EML4: variants seen among roughly 807,000 people sequenced by gnomAD.
EML4 encodes the protein EMAP like 4.
Under a neutral mutation model 129.0 loss-of-function variants are expected in EML4, and 72 were observed. The ratio of observed to expected loss-of-function variants is 0.56; its 90% CI spans 0.46 to 0.68. EML4 has a LOEUF of 0.68. Ranked by LOEUF, EML4 falls within the 30% of genes least tolerant of loss-of-function variation. The probability of loss-of-function intolerance (pLI) is 0.00; values close to 1 mark genes in which losing one functional copy is unlikely to be tolerated. For missense variants in EML4, 1,363 were observed against 1,190.6 expected (o/e 1.14, Z -2.13); for synonymous variants, 532 against 405.0 (o/e 1.31, Z -3.77).
chr2:42,237,910 T>A (rs1244970597), intron 1 of EML4, among the ~76,000 whole-genome samples: 1 of 152,128 alleles, frequency 6.6e-6, no homozygotes. Context: ...TATGAATAAG[T>A]TTTAAAAAGT....
intron 1 of EML4, among the ~76,000 whole-genome samples, chr2:42,227,473 CT>C (rs201223334): frequency 0.24 from 32,507 of 133,018 alleles, 4,893 homozygotes; most frequent in African/African-American, 0.47. Flanking sequence ...CCTGTTAAGG[CT>C]TTTTTTTTTT....
At chr2:42,226,732 A>C (rs1558519085) in intron 1 of EML4, among the ~76,000 whole-genome samples, 1 of 152,116 alleles carries the variant, frequency 6.6e-6, no homozygotes, top group Non-Finnish European at 1.5e-5. Flanking sequence ...AGATTTTTAA[A>C]TGTTCTTTCT....
rs747969806 is a variant in EML4 at position 42,295,279 on chromosome 2, A to C, written c.1353+20A>C. 1.9e-6 allele frequency: 3 copies of C among 1,611,912 alleles called. No individual in the cohort carries two copies. The South Asian group carries it at 3.3e-5, about 18-fold the overall frequency. On this transcript the variant is annotated intron_variant, in intron 12 of 22. Coordinates refer to ENST00000318522, the MANE Select transcript of EML4 (RefSeq NM_019063.5). ...TTTGGGGTAAGAATCAGATTGTTTT[A>C]ATGTCATTAGGTGTATAAGACTTTA... is the stretch of plus-strand genomic sequence containing the variant.
chr2:42,311,000 G>T (rs1165304107), intron 17 of EML4, among the ~76,000 whole-genome samples: 1 of 152,154 alleles, frequency 6.6e-6, no homozygotes, highest in Admixed American at 6.5e-5. Flanking sequence ...AAAAGTAGAA[G>T]AATTAGTGTC....
At chr2:42,200,789 T>G (rs1572530869) in intron 1 of EML4, among the ~76,000 whole-genome samples, 1 of 152,358 alleles carries the variant, frequency 6.6e-6, no homozygotes, top group East Asian at 1.9e-4. Flanking sequence ...GCATGCCTTC[T>G]ATTGAATCTT....
At chr2:42,177,353 G>A (rs1277010307) in intron 1 of EML4, among the ~76,000 whole-genome samples, 3 of 151,788 alleles carry the variant, frequency 2.0e-5, no homozygotes, top group African/African-American at 7.3e-5. Flanking sequence ...ATTAAATATG[G>A]CTCACGCCTG....
At chr2:42,225,220 G>A (rs897711998) in intron 1 of EML4, among the ~76,000 whole-genome samples, 11 of 152,006 alleles carry the variant, frequency 7.2e-5, no homozygotes, top group African/African-American at 2.2e-4. Context: ...ATGAACATTG[G>A]TGTATAAAAG....
In EML4 at chr2:42,329,718, GATTT is replaced by G; in HGVS notation, c.2473-11_2473-8del. On this transcript the variant is annotated splice_polypyrimidine_tract_variant and intron_variant, in intron 22 of 22. Coordinates refer to ENST00000318522, the MANE Select transcript of EML4 (RefSeq NM_019063.5). ...ATGAGTTTAATTTTCCTGTCTGTCT[GATTT>G]ATTTCATATAGGCTCCCAGTCACAA... The G allele has an allele frequency of 6.2e-7, 1 of 1,603,624 alleles. No homozygotes were observed. The highest frequency in any genetic ancestry group is 1.3e-5 in the African/African-American group (1 of 74,722).
At chr2:42,174,120 T>C (rs879837419) in intron 1 of EML4, among the ~76,000 whole-genome samples, 2 of 152,232 alleles carry the variant, frequency 1.3e-5, no homozygotes, top group African/African-American at 2.4e-5. Flanking sequence ...TACTGTATTT[T>C]GTATGTGGGA....
chr2:42,296,764 T>C (rs1194139322), intron 13 of EML4, among the ~76,000 whole-genome samples: 2 of 152,182 alleles, frequency 1.3e-5, no homozygotes, highest in Admixed American at 1.3e-4. Flanking sequence ...CACCGAAATG[T>C]GGAATTTAAA....
intron 21 of EML4, among the ~76,000 whole-genome samples, chr2:42,326,861 G>A (rs985182013): frequency 5.9e-5 from 9 of 152,186 alleles, no homozygotes; most frequent in Non-Finnish European, 1.2e-4. Flanking sequence ...CAGCCTGGGT[G>A]ACAGAGTGAG....
intron 1 of EML4, among the ~76,000 whole-genome samples, chr2:42,188,630 C>T (rs1314722314): frequency 6.6e-6 from 1 of 152,006 alleles, no homozygotes; most frequent in Non-Finnish European, 1.5e-5. Flanking sequence ...ACTGCAGCCT[C>T]TGCCTCCTGT....
At chr2:42,265,159 C>T (rs570852035) in intron 6 of EML4, among the ~76,000 whole-genome samples, 2 of 152,184 alleles carry the variant, frequency 1.3e-5, no homozygotes, top group South Asian at 2.1e-4. Flanking sequence ...GGTGCAATCT[C>T]GGCTTACTGC....
intron 1 of EML4, among the ~76,000 whole-genome samples, chr2:42,197,920 G>A (rs546097909): frequency 8.4e-4 from 128 of 152,320 alleles, no homozygotes; most frequent in African/African-American, 2.9e-3. Flanking sequence ...GCATAGGGTG[G>A]TGGTTAAGAA....
chr2:42,199,801 A>T (rs1012769341), intron 1 of EML4, among the ~76,000 whole-genome samples: 2 of 152,192 alleles, frequency 1.3e-5, no homozygotes, highest in African/African-American at 4.8e-5. Flanking sequence ...AGCGTCACAG[A>T]AATCCGAGGC....
chr2:42,293,213 A>G (rs1156715726), intron 11 of EML4, among the ~76,000 whole-genome samples: 1 of 151,860 alleles, frequency 6.6e-6, no homozygotes, highest in East Asian at 1.9e-4. Context: ...GGCTCAAATG[A>G]ATCCTCCAGC....
At chr2:42,263,596 G>C (rs918019797) in intron 5 of EML4, among the ~76,000 whole-genome samples, 4 of 150,054 alleles carry the variant, frequency 2.7e-5, no homozygotes, top group South Asian at 2.1e-4. Flanking sequence ...GTAGAGACGG[G>C]GTTTCACCAT....
intron 1 of EML4, among the ~76,000 whole-genome samples, chr2:42,181,592 G>A (rs1363401931): frequency 6.6e-6 from 1 of 152,120 alleles, no homozygotes; most frequent in Non-Finnish European, 1.5e-5. Context: ...CACCGCGCCT[G>A]GCCAGGTTTC....
intron 14 of EML4, among the ~76,000 whole-genome samples, chr2:42,302,027 G>T (rs2103716879): frequency 6.6e-6 from 1 of 151,724 alleles, no homozygotes; most frequent in South Asian, 2.1e-4. Context: ...TGATAAAGTG[G>T]GATTTATAAT....
Sources: allele counts gnomAD v4.1 joint callset (sites outside exome capture counted in the v4.1 genomes callset), GRCh38; gene constraint gnomAD v4.1.1; transcripts MANE v1.5; gene names NCBI Gene and HGNC (gene_info 2026-07-23, HGNC 2026-07-21).